Variants in FUT8 observed in about 807,000 individuals in gnomAD.
The protein encoded by FUT8 is alpha-(1,6)-fucosyltransferase.
FUT8 carries 29 observed loss-of-function variants against 71.3 expected under a neutral mutation model. The observed-to-expected ratio is 0.41, with a 90% CI of 0.30 to 0.55. The LOEUF (loss-of-function observed/expected upper bound fraction) is 0.55. FUT8 is among the 20% of genes least tolerant of loss of function. FUT8 has a pLI of 0.34. For synonymous variants in FUT8, 254 were observed against 239.3 expected, an observed-to-expected ratio of 1.06 and a Z score of -0.57; for missense variants, 544 against 702.1, an observed-to-expected ratio of 0.77 and a Z score of 2.55.
chr14:65,734,269 G>A (rs542936667), intron 10 of FUT8, among the ~76,000 whole-genome samples: 101 of 152,098 alleles, frequency 6.6e-4, no homozygotes, highest in African/African-American at 2.4e-3. Flanking sequence ...GAGAAGAAGC[G>A]GAGAAAAGAA....
chr14:65,664,243 A>T (rs2140357749), intron 6 of FUT8, among the ~76,000 whole-genome samples: 1 of 152,266 alleles, frequency 6.6e-6, no homozygotes, highest in East Asian at 1.9e-4. Flanking sequence ...AAACCTTTGA[A>T]TCAGTTCGAG....
chr14:65,384,310 G>A, the FUT8 span, among the ~76,000 whole-genome samples: 1 of 152,200 alleles, frequency 6.6e-6, no homozygotes, highest in Non-Finnish European at 1.5e-5. The surrounding 1 kb of genome is among the most constrained non-coding windows in gnomAD (Gnocchi z 4.2). Flanking sequence ...GTGCAGTGGT[G>A]TGATCATAGC....
chr14:65,665,768 T>A (rs1405176325), intron 6 of FUT8, among the ~76,000 whole-genome samples: 2 of 152,136 alleles, frequency 1.3e-5, no homozygotes, highest in Non-Finnish European at 2.9e-5. Flanking sequence ...AAGAATGAGG[T>A]CATCTCCTTT....
intron 3 of FUT8, among the ~76,000 whole-genome samples, chr14:65,578,093 G>T (rs552491161): frequency 6.6e-6 from 1 of 151,724 alleles, no homozygotes; most frequent in South Asian, 2.1e-4. Flanking sequence ...TTTTTCTCCC[G>T]TATATAAATG....
intron 5 of FUT8, among the ~76,000 whole-genome samples, chr14:65,618,937 T>G (rs1889454127): frequency 6.6e-6 from 1 of 152,094 alleles, no homozygotes; most frequent in Non-Finnish European, 1.5e-5. Context: ...TTATTGAACT[T>G]GAGTAGTTCA....
At chr14:65,626,185 A>T (rs969826218) in intron 5 of FUT8, among the ~76,000 whole-genome samples, 1 of 152,004 alleles carries the variant, frequency 6.6e-6, no homozygotes, top group African/African-American at 2.4e-5. Flanking sequence ...GACACAGTGT[A>T]AAAGCTCAGA....
intron 2 of FUT8, among the ~76,000 whole-genome samples, chr14:65,474,441 G>GAAAATAAAAAAAAAAAAAA (rs2066199827): frequency 2.5e-5 from 1 of 39,698 alleles, no homozygotes; most frequent in Non-Finnish European, 4.7e-5. Flanking sequence ...TGTCTCTACT[G>GAAAATAAAAAAAAAAAAAA]AAAAAAAAAA....
At chr14:65,600,897 A>AC (rs1888257741) in intron 3 of FUT8, among the ~76,000 whole-genome samples, 1 of 152,152 alleles carries the variant, frequency 6.6e-6, no homozygotes, top group Non-Finnish European at 1.5e-5. Context: ...GTGAGCACAG[A>AC]CAACTATTCG....
intron 3 of FUT8, among the ~76,000 whole-genome samples, chr14:65,571,258 T>C (rs1388021290): frequency 6.6e-6 from 1 of 152,124 alleles, no homozygotes; most frequent in East Asian, 1.9e-4. Flanking sequence ...AGGTTGAACT[T>C]GATGTGCTTG....
intron 9 of FUT8, among the ~76,000 whole-genome samples, chr14:65,725,137 G>A (rs1895615092): frequency 6.6e-6 from 1 of 152,188 alleles, no homozygotes; most frequent in South Asian, 2.1e-4. Context: ...GAATTTGAAA[G>A]TTATACTAAA....
At chr14:65,600,769 A>G (rs1281258815) in intron 3 of FUT8, among the ~76,000 whole-genome samples, 1 of 152,188 alleles carries the variant, frequency 6.6e-6, no homozygotes, top group Admixed American at 6.5e-5. Flanking sequence ...GAATGAGCAA[A>G]TAAGTAAGCA....
At chr14:65,694,244 T>C (rs1413954196) in intron 7 of FUT8, among the ~76,000 whole-genome samples, 1 of 152,224 alleles carries the variant, frequency 6.6e-6, no homozygotes, top group East Asian at 1.9e-4. Flanking sequence ...TTTGCTAATA[T>C]GGAAGCTTAG....
the FUT8 span, among the ~76,000 whole-genome samples, chr14:65,367,038 A>C: frequency 6.6e-6 from 1 of 152,344 alleles, no homozygotes; most frequent in East Asian, 1.9e-4. Context: ...AAGGACTGCA[A>C]CATCTCCAGA....
intron 2 of FUT8, among the ~76,000 whole-genome samples, chr14:65,552,756 T>A (rs1442420587): frequency 6.6e-6 from 1 of 152,244 alleles, no homozygotes; most frequent in Non-Finnish European, 1.5e-5. Flanking sequence ...TATACTTTCA[T>A]TTTTTAATTC....
chr14:65,552,379 T>C (rs118107080), intron 2 of FUT8, among the ~76,000 whole-genome samples: 2,641 of 152,276 alleles, frequency 0.017, 52 homozygotes, highest in Non-Finnish European at 0.02. Flanking sequence ...TTTTATGTAA[T>C]AGAAATTGAA....
intron 7 of FUT8, among the ~76,000 whole-genome samples, chr14:65,681,798 T>C (rs1456642356): frequency 6.6e-6 from 1 of 152,208 alleles, no homozygotes; most frequent in Non-Finnish European, 1.5e-5. Context: ...TAATCTAATT[T>C]AATATTCACA....
intron 6 of FUT8, among the ~76,000 whole-genome samples, chr14:65,653,144 G>C (rs142128315): frequency 6.6e-6 from 1 of 152,294 alleles, no homozygotes; most frequent in African/African-American, 2.4e-5. Flanking sequence ...CTAGGTAGAA[G>C]AGGAGAGGTA....
the FUT8 span, among the ~76,000 whole-genome samples, chr14:65,368,274 T>C: frequency 0.15 from 17,934 of 117,182 alleles, 1,881 homozygotes; most frequent in East Asian, 0.44. Context: ...AGGATGGTCT[T>C]GACCTCCTGA....
chr14:65,429,959 G>C (rs559362443), intron 1 of FUT8, among the ~76,000 whole-genome samples: 1 of 150,586 alleles, frequency 6.6e-6, no homozygotes, highest in South Asian at 2.1e-4. Flanking sequence ...CAGTGTCAGC[G>C]TTATGGAAAT....
Sources: allele counts gnomAD v4.1 joint callset (sites outside exome capture counted in the v4.1 genomes callset), GRCh38; gene constraint gnomAD v4.1.1; non-coding constraint Gnocchi (gnomAD v3.1); transcripts MANE v1.5; gene names NCBI Gene and HGNC (gene_info 2026-07-23, HGNC 2026-07-21).